MSS51: variants seen among roughly 807,000 people sequenced by gnomAD.
MSS51 encodes the protein putative protein MSS51 homolog, mitochondrial.
A neutral mutation model predicts 40.2 loss-of-function variants in MSS51; 32 were observed. The observed-to-expected ratio is 0.80, with a 90% confidence interval of 0.60 to 1.07. MSS51 has a LOEUF of 1.07. Ranked by LOEUF, MSS51 falls within the 50% of genes least tolerant of loss-of-function variation. The probability of loss-of-function intolerance (pLI) is 0.00; values close to 1 mark genes in which losing one functional copy is unlikely to be tolerated. For missense variants in MSS51, 518 were observed against 568.9 expected (o/e 0.91, Z 0.91); for synonymous variants, 178 against 214.2 (o/e 0.83, Z 1.48).
At chr10:73,428,611 G>A (rs1420526445) in intron 1 of MSS51, among the ~76,000 whole-genome samples, 5 of 151,832 alleles carry the variant, frequency 3.3e-5, no homozygotes, top group African/African-American at 4.8e-5. Flanking sequence ...TCAGCCTCCC[G>A]AGTAGCTGGG....
Position 73,428,167 on chromosome 10 carries a change from G to C in MSS51, c.118C>G (p.Pro40Ala). 2 of 1,614,032 alleles carry C rather than the reference G, an allele frequency of 1.2e-6. No homozygotes were observed. The highest frequency in any genetic ancestry group is 1.7e-6 in the Non-Finnish European group (2 of 1,180,002). The change falls in exon 2 of 7, where the codon CCT becomes GCT. Residue 40 changes from proline (P) to alanine (A), a missense_variant. Coordinates refer to ENST00000299432, the MANE Select transcript of MSS51 (RefSeq NM_001024593.2). ...PVPLTPSKPG[P>A]SIDTLGFFSL... is the part of the protein sequence containing the mutation. ...AAGAAGCCAAGTGTGTCAATGCTAGGGCCAGGTTTTGAGGGGGTCAGAGGC... is the reference window on the plus strand; with the variant it reads ...AAGAAGCCAAGTGTGTCAATGCTAGCGCCAGGTTTTGAGGGGGTCAGAGGC...
Position 73,424,647 on chromosome 10 carries a change from G to GGCT in MSS51, c.1286_1288dup (p.Gln429dup). 6.2e-7 allele frequency: 1 copy of GGCT among 1,613,984 alleles called. No homozygotes were observed. Reference sequence around the variant, plus strand: ...GATATAGTATGCACTGCAGTATACTGGCTGCTTGTTGGGACTGGAATAGAC... The same window carrying GGCT: ...GATATAGTATGCACTGCAGTATACTGGCTGCTGCTTGTTGGGACTGGAATAGAC... On this transcript the variant is annotated inframe_insertion, in exon 7 of 7. Transcript: ENST00000299432.
chr10:73,425,066 G>A, intron 6 of MSS51, 32 bp downstream of exon 6: 3 of 1,507,386 alleles, frequency 2.0e-6, no homozygotes, highest in Non-Finnish European at 2.8e-6. Context: ...TGTAAAGTCA[G>A]GGAAGTATCA....
Position 73,426,265 on chromosome 10 carries a change from C to T in MSS51, c.615G>A (p.Val205=), listed in dbSNP as rs764696922. 4 of 1,612,670 alleles carry T rather than the reference C, an allele frequency of 2.5e-6. No homozygotes were observed. The Admixed American group carries it at 6.7e-5, about 27-fold the overall frequency. ...AGGTGGTCACAGCATGACTAACTAGCACAGCATCCAATGTAGCATCTAGGT... is the reference window on the plus strand; with the variant it reads ...AGGTGGTCACAGCATGACTAACTAGTACAGCATCCAATGTAGCATCTAGGT... ...GLHLDATLDA[V]LVSHAVTTLW... is the part of the protein sequence containing the mutation. The change falls in exon 5 of 7, where the codon GTG becomes GTA. Residue 205 remains valine (V), a synonymous_variant. Transcript: ENST00000299432.
chr10:73,424,991 C>T, intron 6 of MSS51, 107 bp downstream of exon 6: 1 of 913,554 alleles, frequency 1.1e-6, no homozygotes, highest in Non-Finnish European at 1.8e-6. Context: ...CGGAAAAGAA[C>T]ATCCTCACCA....
chr10:73,427,757 T>C lies in MSS51; in HGVS notation c.233A>G (p.Asp78Gly). 6.2e-7 allele frequency: 1 copy of C among 1,614,098 alleles called. No individual in the cohort carries two copies. Among genetic ancestry groups the C allele is most frequent in the Non-Finnish European group, 8.5e-7 (1 of 1,179,990 alleles). The change falls in exon 3 of 7, where the codon GAT becomes GGT. Residue 78 changes from aspartate (D) to glycine (G), a missense_variant. Transcript: ENST00000299432. Reference sequence around the variant, plus strand: ...AAAGCCTGATACGGGGGTACCCCCATCTACCACCAACCTGCAGAGACAGCA... The same window carrying C: ...AAAGCCTGATACGGGGGTACCCCCACCTACCACCAACCTGCAGAGACAGCA... ...KSYEEYKLVV[D>G]GGTPVSGFGF...
rs61753915 is a variant in MSS51, at chr10:73,424,705, A to C, written c.1231T>G (p.Ser411Ala). ...ELDTHITAFG[S>A]NPFMSLKPEQ... Reference sequence around the variant, plus strand: ...GGTTTGAGGGACATGAAAGGATTAGACCCAAAGGCAGTGATGTGTGTATCC... The same window carrying C: ...GGTTTGAGGGACATGAAAGGATTAGCCCCAAAGGCAGTGATGTGTGTATCC... The change falls in exon 7 of 7, where the codon TCT becomes GCT. Residue 411 changes from serine (S) to alanine (A), a missense_variant. Physicochemically the swap from Ser to Ala is moderately conservative, Grantham distance 99. Coordinates refer to ENST00000299432, the MANE Select transcript of MSS51 (RefSeq NM_001024593.2). The C allele has an allele frequency of 0.012, 19,873 of 1,614,046 alleles. 1,130 individuals carry two copies. In the African/African-American group the frequency reaches 0.17, roughly 13 times the overall value.
In MSS51 at chr10:73,426,606, C is replaced by T. The variant is rs762324857; in HGVS notation, c.502+1G>A. On this transcript the variant is annotated splice_donor_variant, in intron 4 of 6. Transcript: ENST00000299432. LOFTEE classifies it high-confidence loss of function. ...AGAGATCCTCAACACCACCACTCCA[C>T]CTGTGACCAGAAGCCATTCCATGAG... The T allele has an allele frequency of 2.5e-6, 4 of 1,614,208 alleles. No homozygotes were observed. Among genetic ancestry groups the T allele is most frequent in the Admixed American group, 1.7e-5 (1 of 60,028 alleles).
chr10:73,429,597 G>A (rs1487528074), intron 1 of MSS51: 2 of 456,394 alleles, frequency 4.4e-6, no homozygotes, highest in South Asian at 1.5e-5. Context: ...AAGTTTTGAG[G>A]TAGAAGTAAG....
At chr10:73,425,789 C>G in intron 5 of MSS51, 22 bp downstream of exon 5, 1 of 1,594,168 alleles carries the variant, frequency 6.3e-7, no homozygotes, top group South Asian at 1.1e-5. Flanking sequence ...ACCCTCTATT[C>G]CCCTGAACCA....
intron 5 of MSS51, among the ~76,000 whole-genome samples, 162 bp from the exon 6 acceptor site, chr10:73,425,353 T>C (rs1348374588): frequency 1.3e-5 from 2 of 151,958 alleles, no homozygotes; most frequent in Non-Finnish European, 2.9e-5. Flanking sequence ...TGAACCCAAG[T>C]GTAGTACATA....
At chr10:73,431,446 G>T (rs550600049) in intron 1 of MSS51, among the ~76,000 whole-genome samples, 1 of 152,248 alleles carries the variant, frequency 6.6e-6, no homozygotes, top group South Asian at 2.1e-4. Context: ...TCAAACCAGG[G>T]ATCATGTTTT....
chr10:73,425,842 G>A lies in MSS51; in HGVS notation c.1038C>T (p.His346=). The change falls in exon 5 of 7, where the codon CAC becomes CAT. Residue 346 remains histidine (H), a synonymous_variant. Transcript: ENST00000299432. ...WEEQVETGQT[H]HPDLVAAFHP... ...GGAATGCCGCCACCAAATCTGGATG[G>A]TGTGTCTGCCCGGTCTCTACTTGCT... 1 of 1,613,940 alleles carries A rather than the reference G, an allele frequency of 6.2e-7. No individual in the cohort carries two copies. Among genetic ancestry groups the A allele is most frequent in the Non-Finnish European group, 8.5e-7 (1 of 1,179,920 alleles).
intron 6 of MSS51, 82 bp downstream of exon 6, chr10:73,425,016 A>G: frequency 1.8e-6 from 2 of 1,118,768 alleles, no homozygotes; most frequent in East Asian, 4.7e-5. Context: ...GTAGATGAGC[A>G]AGAGGGGGGC....
chr10:73,429,932 G>A (rs1372424081), intron 1 of MSS51, among the ~76,000 whole-genome samples: 4 of 152,262 alleles, frequency 2.6e-5, no homozygotes, highest in Non-Finnish European at 4.4e-5. Context: ...TTCAGTGGGC[G>A]AGAATCTCTT....
intron 1 of MSS51, 72 bp from the exon 2 acceptor site, chr10:73,428,373 G>A (rs2132723579): frequency 8.5e-7 from 1 of 1,169,592 alleles, no homozygotes; most frequent in East Asian, 2.5e-5. Context: ...ATTTTCATAT[G>A]CTTGACCTTT....
intron 1 of MSS51, among the ~76,000 whole-genome samples, chr10:73,432,140 G>C (rs2056033626): frequency 6.6e-6 from 1 of 152,218 alleles, no homozygotes; most frequent in Non-Finnish European, 1.5e-5. Context: ...CCGGGTTCAA[G>C]TGATTCTCCT....
rs78983371 is a variant in MSS51 at position 73,425,806 on chromosome 10, C to T, written c.1069+5G>A. 6.2e-7 allele frequency: 1 copy of T among 1,609,154 alleles called. No individual in the cohort carries two copies. Among genetic ancestry groups the T allele is most frequent in the Non-Finnish European group, 8.5e-7 (1 of 1,177,284 alleles). ...CCTCTATTCCCCTGAACCAATGACT[C>T]TTACCTGGATGGAATGCCGCCACCA... On this transcript the variant is annotated splice_donor_5th_base_variant and intron_variant, in intron 5 of 6. Transcript: ENST00000299432.
In MSS51 at chr10:73,428,278, G is replaced by C; in HGVS notation, c.7C>G (p.Pro3Ala). 1 of 1,611,732 alleles carries C rather than the reference G, an allele frequency of 6.2e-7. No individual in the cohort carries two copies. The highest frequency in any genetic ancestry group is 1.1e-5 in the South Asian group (1 of 90,796). MA[P>A]RSRRRRHKKP... ...TTGTGCCTTCGTCGCCGGGACCGTG[G>C]AGCCATGGCCTGTCCAGTGATACCT... is the stretch of plus-strand genomic sequence containing the variant. The change falls in exon 2 of 7, where the codon CCA (proline) becomes GCA (alanine). Residue 3 changes from proline (P) to alanine (A), a missense_variant. Transcript: ENST00000299432.
Sources: allele counts gnomAD v4.1 joint callset (sites outside exome capture counted in the v4.1 genomes callset), GRCh38; gene constraint gnomAD v4.1.1; transcripts MANE v1.5; gene names NCBI Gene and HGNC (gene_info 2026-07-23, HGNC 2026-07-21).